CEP152: variants seen among roughly 807,000 people sequenced by gnomAD.
The protein encoded by CEP152 is centrosomal protein of 152 kDa.
A neutral mutation model predicts 188.9 loss-of-function variants in CEP152; 132 were observed. That is an observed-to-expected ratio of 0.70 (90% CI 0.61 to 0.81). The LOEUF (loss-of-function observed/expected upper bound fraction) is 0.81, where lower values mean the gene tolerates loss of function less well. CEP152 is among the 30% of genes least tolerant of loss of function. The pLI, the probability that CEP152 is intolerant of heterozygous loss-of-function variation, is 0.00. For missense variants in CEP152, 1,914 were observed against 1,969.8 expected (o/e 0.97, Z 0.54); for synonymous variants, 649 against 666.6 (o/e 0.97, Z 0.41).
In CEP152 at chr15:48,739,165, A is replaced by G. The variant is rs1892783220; in HGVS notation, c.4217T>C (p.Leu1406Pro). The change falls in exon 27 of 27, where the codon CTG (leucine) becomes CCG (proline). Residue 1406 changes from leucine (L) to proline (P), a missense_variant. By Grantham distance (98) the Leu-to-Pro change is moderately conservative. Coordinates refer to ENST00000380950, the MANE Select transcript of CEP152 (RefSeq NM_001194998.2). ...SNSVNTITRT[L>P]CEQAPKRRAA... The stretch of plus-strand genomic sequence containing the variant: ...CCTCCTCTTGGGAGCTTGTTCGCAC[A>G]GAGTTCTGGTGATGGTGTTTACACT... 1 of 1,614,218 alleles carries G rather than the reference A, an allele frequency of 6.2e-7. No homozygotes were observed. Among genetic ancestry groups the G allele is most frequent in the Non-Finnish European group, 8.5e-7 (1 of 1,180,024 alleles).
At chr15:48,775,099 A>G (rs2140803497) in intron 12 of CEP152, among the ~76,000 whole-genome samples, 1 of 152,176 alleles carries the variant, frequency 6.6e-6, no homozygotes, top group South Asian at 2.1e-4. Flanking sequence ...ATTATGCAAA[A>G]TAAAAAGGGA....
At chr15:48,799,807 GAA>G (rs956968101) in intron 2 of CEP152, among the ~76,000 whole-genome samples, 4 of 152,094 alleles carry the variant, frequency 2.6e-5, no homozygotes, top group Admixed American at 2.6e-4. Flanking sequence ...ATGCACTAGA[GAA>G]AAAAGTTGCA....
chr15:48,754,932 T>C (rs1894147841), intron 20 of CEP152, among the ~76,000 whole-genome samples: 1 of 152,200 alleles, frequency 6.6e-6, no homozygotes, highest in African/African-American at 2.4e-5. Flanking sequence ...TGCTCAATCC[T>C]GGCCTTGAAA....
rs1356673592 is a variant in CEP152, at chr15:48,744,404, AATATATATGTATCC to A, written c.3732-75_3732-62del. The A allele has an allele frequency of 1.9e-6, 3 of 1,595,344 alleles. No homozygotes were observed. In the African/African-American group the frequency reaches 4.1e-5, roughly 22 times the overall value. ...GGTAAGTGAAAAATTTCATTTGAAAAATATATATGTATCCATATACTCTAATAAAGTTAACTGAG... is the reference window on the plus strand; with the variant it reads ...GGTAAGTGAAAAATTTCATTTGAAAAATATACTCTAATAAAGTTAACTGAG... On this transcript the variant is annotated intron_variant, in intron 23 of 26. Coordinates refer to ENST00000380950, the MANE Select transcript of CEP152 (RefSeq NM_001194998.2).
At chr15:48,789,182 C>A (rs574445722) in intron 8 of CEP152, 181 bp from the exon 9 acceptor site, 1 of 626,876 alleles carries the variant, frequency 1.6e-6, no homozygotes, top group African/African-American at 1.8e-5. Context: ...CTGGGACCCT[C>A]CAGGCCCATA....
intron 2 of CEP152, among the ~76,000 whole-genome samples, chr15:48,732,059 A>C (rs1427186788): frequency 6.6e-6 from 1 of 152,232 alleles, no homozygotes; most frequent in Non-Finnish European, 1.5e-5. Flanking sequence ...TTGAGGAGAA[A>C]TAGGAATGCT....
At chr15:48,772,792 C>G in intron 12 of CEP152, 101 bp from the exon 13 acceptor site, 1 of 984,920 alleles carries the variant, frequency 1.0e-6, no homozygotes, top group Non-Finnish European at 1.6e-6. Context: ...GTTTTGTCAC[C>G]TATACAATTA....
intron 20 of CEP152, among the ~76,000 whole-genome samples, chr15:48,753,908 G>A (rs1358030649): frequency 6.6e-6 from 1 of 152,006 alleles, no homozygotes; most frequent in African/African-American, 2.4e-5. Flanking sequence ...TTATTTTAAT[G>A]AGGACTTGTT....
chr15:48,764,514 C>G (rs1046751356), intron 17 of CEP152, among the ~76,000 whole-genome samples: 2 of 152,126 alleles, frequency 1.3e-5, no homozygotes, highest in Non-Finnish European at 2.9e-5. Context: ...CTAAAATGCA[C>G]CTACCTAACT....
intron 20 of CEP152, among the ~76,000 whole-genome samples, chr15:48,754,966 G>A (rs1894150405): frequency 6.6e-6 from 1 of 151,272 alleles, no homozygotes; most frequent in African/African-American, 2.4e-5. Flanking sequence ...ATATTTTGAT[G>A]GAACTTCACT....
Position 48,769,093 on chromosome 15 carries a change from A to G in CEP152, c.1783-12T>C. On this transcript the variant is annotated splice_polypyrimidine_tract_variant and intron_variant, in intron 13 of 26. Transcript: ENST00000380950. The stretch of plus-strand genomic sequence containing the variant: ...GTATCTGTTTTAGTCTGAATATTAA[A>G]AGGTCAAAAGTTTTACAAGTTTTAA... 1 of 1,595,496 alleles carries G rather than the reference A, an allele frequency of 6.3e-7. No homozygotes were observed. Among genetic ancestry groups the G allele is most frequent in the Non-Finnish European group, 8.6e-7 (1 of 1,168,816 alleles).
chr15:48,739,554 C>G (rs1481059784), intron 26 of CEP152, among the ~76,000 whole-genome samples: 2 of 152,064 alleles, frequency 1.3e-5, no homozygotes, highest in South Asian at 2.1e-4. Context: ...TTATTGCTAT[C>G]CATCTGACCT....
At chr15:48,787,714 G>A (rs1257235750) in intron 9 of CEP152, among the ~76,000 whole-genome samples, 2 of 151,368 alleles carry the variant, frequency 1.3e-5, no homozygotes, top group Admixed American at 1.3e-4. Flanking sequence ...TTTTAAGTGT[G>A]GTGAAATTTT....
At chr15:48,775,358 CA>C (rs1347574598) in intron 12 of CEP152, among the ~76,000 whole-genome samples, 1 of 151,868 alleles carries the variant, frequency 6.6e-6, no homozygotes, top group Non-Finnish European at 1.5e-5. Flanking sequence ...ATATCATAAT[CA>C]AAGTACCAAA....
rs775477728 is a variant in CEP152, at chr15:48,768,231, T to A, written c.2006A>T (p.Glu669Val). ...ATATAGACCTTACCTATCCACAGCT[T>A]CTTGTTTGTCATGGTCAAAATCTTG... ...MVQDFDHDKQ[E>V]AVDRCERTYQ... is the part of the protein sequence containing the mutation. The change falls in exon 15 of 27, where the codon GAA becomes GTA. Residue 669 changes from glutamate to valine, a missense_variant. Transcript: ENST00000380950. 4.4e-6 allele frequency: 7 copies of A among 1,604,602 alleles called. No homozygotes were observed. Among genetic ancestry groups the A allele is most frequent in the Non-Finnish European group, 6.0e-6 (7 of 1,171,510 alleles).
chr15:48,789,980 G>A (rs1027993463), intron 8 of CEP152, among the ~76,000 whole-genome samples: 6 of 152,170 alleles, frequency 3.9e-5, no homozygotes, highest in Non-Finnish European at 7.3e-5. Flanking sequence ...TGGTGATTCT[G>A]CTGCTTACAT....
At chr15:48,741,870 T>G (rs896800654) in intron 25 of CEP152, 77 bp downstream of exon 25, 1 of 1,612,754 alleles carries the variant, frequency 6.2e-7, no homozygotes, top group African/African-American at 1.3e-5. Flanking sequence ...GTTAATTTAG[T>G]GGTTAAGGAA....
intron 20 of CEP152, 37 bp from the exon 21 acceptor site, chr15:48,752,506 A>T: frequency 6.2e-7 from 1 of 1,608,116 alleles, no homozygotes; most frequent in Non-Finnish European, 8.5e-7. Flanking sequence ...TGCTTAGTAA[A>T]AATCTTTATA....
chr15:48,797,963 T>A lies in CEP152; in HGVS notation c.176A>T (p.Asp59Val), dbSNP rs1418061814. Residue 59 changes from aspartate to valine, a missense_variant, in exon 3 of 27, where the codon GAT becomes GTT. By Grantham distance (152) the Asp-to-Val change is radical. Transcript: ENST00000380950. ...AGGTGCTTACTGTCCGTCTGTGCCA[T>A]CCTCGCTGCAGTCCGAATACTGGAG... ...PELQYSDCSE[D>V]GTDGQPHHPE... 2 of 1,613,946 alleles carry A rather than the reference T, an allele frequency of 1.2e-6. No individual in the cohort carries two copies. Among genetic ancestry groups the A allele is most frequent in the Admixed American group, 1.7e-5 (1 of 59,992 alleles).
Sources: allele counts gnomAD v4.1 joint callset (sites outside exome capture counted in the v4.1 genomes callset), GRCh38; gene constraint gnomAD v4.1.1; transcripts MANE v1.5; gene names NCBI Gene and HGNC (gene_info 2026-07-23, HGNC 2026-07-21).